TTC17: variants seen among roughly 807,000 people sequenced by gnomAD.
The protein encoded by TTC17 is tetratricopeptide repeat protein 17.
In TTC17, 58 loss-of-function variants were observed where a neutral mutation model predicts 143.8. That is an observed-to-expected ratio of 0.40 (90% CI 0.33 to 0.50). TTC17 has a LOEUF of 0.50. Among genes scored for constraint, TTC17 ranks in the 20% least tolerant of loss-of-function variants. TTC17 has a pLI of 0.49. For missense variants in TTC17, 1,273 were observed against 1,392.5 expected (o/e 0.91, Z 1.37); for synonymous variants, 501 against 497.8 (o/e 1.01, Z -0.09).
chr11:43,407,068 C>A (rs1858173272), intron 13 of TTC17, 70 bp from the exon 14 acceptor site: 2 of 1,049,882 alleles, frequency 1.9e-6, no homozygotes, highest in Non-Finnish European at 2.8e-6. Context: ...AGACTGCCAT[C>A]TATAGAAATT....
At chr11:43,359,326 T>G in intron 1 of TTC17, 1 of 581,372 alleles carries the variant, frequency 1.7e-6, no homozygotes, top group Non-Finnish European at 2.7e-6. Context: ...CCCCTAGAAG[T>G]TCTCACCCTT....
intron 21 of TTC17, among the ~76,000 whole-genome samples, chr11:43,471,655 ACTTCCCATGAGTAT>A (rs1174968444): frequency 6.6e-6 from 1 of 152,216 alleles, no homozygotes; most frequent in Non-Finnish European, 1.5e-5. Context: ...CATGAGATCA[ACTTCCCATGAGTAT>A]TCACGGATAA....
intron 2 of TTC17, among the ~76,000 whole-genome samples, chr11:43,388,249 C>T (rs1250204121): frequency 6.6e-6 from 1 of 152,004 alleles, no homozygotes; most frequent in Non-Finnish European, 1.5e-5. Context: ...TAGAGCTATC[C>T]TGACTAATGT....
chr11:43,400,316 T>C (rs938896390), intron 9 of TTC17, among the ~76,000 whole-genome samples: 1 of 152,202 alleles, frequency 6.6e-6, no homozygotes, highest in African/African-American at 2.4e-5. Context: ...CATTCTGTGT[T>C]CAACATCAGT....
intron 21 of TTC17, among the ~76,000 whole-genome samples, chr11:43,462,771 A>G (rs1947892086): frequency 6.6e-6 from 1 of 152,192 alleles, no homozygotes; most frequent in South Asian, 2.1e-4. Flanking sequence ...CATAACTGGC[A>G]GAAGAAATAG....
chr11:43,372,482 T>TTTTTTTTATTTA (rs1554983138), intron 1 of TTC17, among the ~76,000 whole-genome samples: 5 of 145,854 alleles, frequency 3.4e-5, no homozygotes, highest in South Asian at 2.1e-4. Context: ...TATTTTTATT[T>TTTTTTTTATTTA]TTTATTTATT....
chr11:43,424,211 G>A (rs1032947611), intron 16 of TTC17, among the ~76,000 whole-genome samples: 2 of 151,336 alleles, frequency 1.3e-5, no homozygotes, highest in African/African-American at 4.9e-5. Context: ...TCTTGCCTCA[G>A]CCACCCCAGT....
In TTC17 at chr11:43,370,669, T is replaced by C. The variant is rs76509194; in HGVS notation, c.160-8564T>C. Among the ~76,000 whole-genome samples, 25 of 151,854 alleles carry C rather than the reference T, an allele frequency of 1.6e-4. No homozygotes were observed. In the East Asian group the frequency reaches 4.5e-3, roughly 27 times the overall value. On this transcript the variant is annotated intron_variant, in intron 1 of 23. Transcript: ENST00000039989. ...ACACTTTATAAATTTAAATAATACA[T>C]GTTCACTGTAGAAAAAGTTAGAAAA...
chr11:43,389,763 T>G lies in TTC17; in HGVS notation c.361T>G (p.Leu121Val), dbSNP rs1378708606. The change falls in exon 3 of 24, where the codon TTA becomes GTA. Residue 121 changes from leucine (L) to valine (V), a missense_variant. Leu to Val is a conservative substitution (Grantham distance 32). This residue lies in a region of TTC17 where 325 missense variants were observed against 444.2 expected (regional missense o/e 0.73). Coordinates refer to ENST00000039989, the MANE Select transcript of TTC17 (RefSeq NM_018259.6). Reference protein sequence around the residue: ...DPDCIKAKVPLGDLDLYDGTY... With the variant: ...DPDCIKAKVPVGDLDLYDGTY... ...AGACTGCATCAAAGCCAAGGTGCCC[T>G]TAGGGGACCTGGATCTATATGATGG... 8 of 1,613,848 alleles carry G rather than the reference T, an allele frequency of 5.0e-6. No individual in the cohort carries two copies. Among genetic ancestry groups the G allele is most frequent in the African/African-American group, 1.3e-5 (1 of 74,900 alleles).
chr11:43,411,434 C>G (rs1194992517), intron 15 of TTC17, among the ~76,000 whole-genome samples: 3 of 151,828 alleles, frequency 2.0e-5, no homozygotes, highest in African/African-American at 7.3e-5. Flanking sequence ...CCCCCGCCCC[C>G]CACAATCTAG....
intron 23 of TTC17, 133 bp downstream of exon 23, chr11:43,492,296 T>C (rs1255073234): frequency 2.8e-5 from 34 of 1,231,712 alleles, no homozygotes; most frequent in South Asian, 1.0e-4. Context: ...GTTCCACCAA[T>C]GTTATATTTT....
intron 21 of TTC17, among the ~76,000 whole-genome samples, chr11:43,481,332 A>C (rs1450144707): frequency 6.6e-6 from 1 of 152,166 alleles, no homozygotes; most frequent in African/African-American, 2.4e-5. Flanking sequence ...GTTTATGTTC[A>C]TGAGGGATAT....
rs1856872221 is a variant in TTC17, at chr11:43,379,224, T to C, written c.160-9T>C. The C allele has an allele frequency of 1.9e-6, 3 of 1,610,822 alleles. No homozygotes were observed. Among genetic ancestry groups the C allele is most frequent in the Non-Finnish European group, 2.5e-6 (3 of 1,178,920 alleles). ...ATCCGAGCTTTATTTATTTATTGCT[T>C]GCTTGCAGGTGGATTCACCAATGAA... On this transcript the variant is annotated splice_polypyrimidine_tract_variant and intron_variant, in intron 1 of 23. Coordinates refer to ENST00000039989, the MANE Select transcript of TTC17 (RefSeq NM_018259.6).
rs188373535 is a variant in TTC17, at chr11:43,400,750, A to T, written c.1220-696A>T. On this transcript the variant is annotated intron_variant, in intron 9 of 23. Coordinates refer to ENST00000039989, the MANE Select transcript of TTC17 (RefSeq NM_018259.6). ...AAAATCTCTCAAGCATCTGTGATCC[A>T]TAAAAATAGAACCACTGGTTTATAG... is the stretch of plus-strand genomic sequence containing the variant. 1.0e-3 allele frequency among the ~76,000 whole-genome samples: 153 copies of T among 152,346 alleles called. 1 individual carries two copies. Among genetic ancestry groups the T allele is most frequent in the Non-Finnish European group, 1.9e-3 (131 of 68,028 alleles).
intron 21 of TTC17, among the ~76,000 whole-genome samples, chr11:43,474,659 G>T (rs1443559967): frequency 1.3e-5 from 2 of 152,148 alleles, no homozygotes; most frequent in African/African-American, 2.4e-5. Flanking sequence ...CCCTTGAACA[G>T]CATGGAAGTT....
In TTC17 at chr11:43,483,297, A is replaced by G. The variant is rs776677806; in HGVS notation, c.3031-6942A>G. ...TCCTAATATAAACAGACTTCCAGACATTAGAATAAGGAATGACATACCAGT... is the reference window on the plus strand; with the variant it reads ...TCCTAATATAAACAGACTTCCAGACGTTAGAATAAGGAATGACATACCAGT... On this transcript the variant is annotated intron_variant, in intron 21 of 23. Coordinates refer to ENST00000039989, the MANE Select transcript of TTC17 (RefSeq NM_018259.6). Among the ~76,000 whole-genome samples the G allele has an allele frequency of 2.0e-4, 31 of 152,254 alleles. 1 individual carries two copies. The Middle Eastern group carries it at 0.014, about 67-fold the overall frequency.
chr11:43,388,810 T>TG (rs1236804656), intron 2 of TTC17, among the ~76,000 whole-genome samples: 2 of 148,672 alleles, frequency 1.3e-5, no homozygotes, highest in Non-Finnish European at 3.0e-5. Context: ...CCCATCTGTA[T>TG]GGAAAAAAAA....
chr11:43,456,407 A>G (rs1049667288), intron 21 of TTC17, among the ~76,000 whole-genome samples: 4 of 152,240 alleles, frequency 2.6e-5, no homozygotes, highest in African/African-American at 2.4e-5. Flanking sequence ...AAAAGAATCC[A>G]TGGAAAAGCA....
intron 2 of TTC17, among the ~76,000 whole-genome samples, chr11:43,384,776 A>T (rs1309165126): frequency 6.6e-6 from 1 of 152,244 alleles, no homozygotes; most frequent in African/African-American, 2.4e-5. Context: ...CTTTAGTGAC[A>T]TGTATGACCA....
Sources: gnomAD v4.1 joint callset for allele counts (sites outside exome capture counted in the v4.1 genomes callset) on GRCh38, gnomAD v4.1.1 for gene constraint, gnomAD v4.1.1 regional missense constraint, MANE v1.5 for transcripts, NCBI Gene and HGNC (gene_info 2026-07-23, HGNC 2026-07-21) for gene names.